The following ABLIM3 variants were observed in gnomAD, a reference collection of about 807,000 sequenced individuals.
ABLIM3 encodes the protein actin binding LIM protein family member 3.
Under a neutral mutation model 109.5 loss-of-function variants are expected in ABLIM3, and 61 were observed. The ratio of observed to expected loss-of-function variants is 0.56; its 90% CI spans 0.45 to 0.69. The LOEUF (loss-of-function observed/expected upper bound fraction) is 0.69, where lower values mean the gene tolerates loss of function less well. ABLIM3 is among the 30% of genes least tolerant of loss of function. The pLI is 0.00. For synonymous variants in ABLIM3, 300 were observed against 324.8 expected, an observed-to-expected ratio of 0.92 and a Z score of 0.82; for missense variants, 796 against 889.5, an observed-to-expected ratio of 0.89 and a Z score of 1.34.
chr5:149,259,789 GA>G lies in ABLIM3; in HGVS notation c.*1387del, dbSNP rs1443449201. On this transcript the variant is annotated 3_prime_UTR_variant, in exon 24 of 24. Coordinates refer to ENST00000309868, the MANE Select transcript of ABLIM3 (RefSeq NM_014945.5). Reference sequence around the variant, plus strand: ...CATTTTGAGATCATGGAGGAAGGATGAAGAAGTGAAAATGACAATAATGACT... The same window carrying G: ...CATTTTGAGATCATGGAGGAAGGATGAGAAGTGAAAATGACAATAATGACT... The G allele has an allele frequency of 2.1e-5, 13 of 605,062 alleles. No individual in the cohort carries two copies. The highest frequency in any genetic ancestry group is 2.0e-4 in the African/African-American group (11 of 54,056). The allele number at this position is 605,062 out of a possible 1,614,324, so 37.5% of individuals were successfully genotyped here. A position where few individuals can be genotyped will look rare whatever the true frequency, so the allele number is the denominator to read the frequency against.
intron 7 of ABLIM3, among the ~76,000 whole-genome samples, chr5:149,215,729 C>G (rs917408147): frequency 1.3e-5 from 2 of 152,138 alleles, no homozygotes; most frequent in African/African-American, 4.8e-5. Context: ...AATATTTCTT[C>G]AAACAAGGCC....
intron 8 of ABLIM3, among the ~76,000 whole-genome samples, chr5:149,221,546 G>A (rs1760653833): frequency 6.6e-6 from 1 of 152,146 alleles, no homozygotes; most frequent in African/African-American, 2.4e-5. Flanking sequence ...GAACTTCTGG[G>A]GCCCCAGGAG....
intron 8 of ABLIM3, among the ~76,000 whole-genome samples, chr5:149,224,845 C>T (rs189624273): frequency 6.6e-6 from 1 of 152,260 alleles, no homozygotes; most frequent in African/African-American, 2.4e-5. Flanking sequence ...ATAGGGAAAC[C>T]AAGGCACAGA....
At chr5:149,166,376 G>C (rs1754827521) in intron 2 of ABLIM3, among the ~76,000 whole-genome samples, 2 of 152,216 alleles carry the variant, frequency 1.3e-5, no homozygotes. Context: ...GCCTCTGCCA[G>C]CTTCCCACAT....
intron 8 of ABLIM3, among the ~76,000 whole-genome samples, chr5:149,225,511 A>C (rs1273546172): frequency 6.6e-6 from 1 of 152,210 alleles, no homozygotes; most frequent in East Asian, 1.9e-4. Flanking sequence ...ATGGCTGAAC[A>C]ATATTCCATT....
intron 7 of ABLIM3, among the ~76,000 whole-genome samples, chr5:149,211,569 T>A (rs1291709282): frequency 6.6e-6 from 1 of 152,158 alleles, no homozygotes; most frequent in African/African-American, 2.4e-5. Context: ...GTATCTTTGC[T>A]TTTCTAGGCC....
intron 10 of ABLIM3, among the ~76,000 whole-genome samples, chr5:149,235,481 G>A (rs1386906569): frequency 1.3e-5 from 2 of 152,152 alleles, no homozygotes; most frequent in South Asian, 2.1e-4. Flanking sequence ...AATTATGTTA[G>A]GATGCCTCTG....
In ABLIM3 at chr5:149,169,735, C is replaced by T. The variant is rs77526897; in HGVS notation, c.14-13717C>T. Among the ~76,000 whole-genome samples the T allele has an allele frequency of 2.7e-3, 417 of 152,294 alleles. 1 individual carries two copies. The highest frequency in any genetic ancestry group is 9.1e-3 in the African/African-American group (380 of 41,564). On this transcript the variant is annotated intron_variant, in intron 2 of 23. Coordinates refer to ENST00000309868, the MANE Select transcript of ABLIM3 (RefSeq NM_014945.5). ...CTCCTCTTCCTCTCCCACCATTCCC[C>T]CACTGGAGGGTGAGTCACATGAGAG...
chr5:149,234,869 A>T (rs1000654039), intron 10 of ABLIM3, among the ~76,000 whole-genome samples: 3 of 152,350 alleles, frequency 2.0e-5, no homozygotes, highest in African/African-American at 4.8e-5. Context: ...AATACTGTTC[A>T]TCACAAGCTG....
intron 2 of ABLIM3, among the ~76,000 whole-genome samples, chr5:149,161,608 G>A (rs564021340): frequency 2.0e-5 from 3 of 152,316 alleles, no homozygotes; most frequent in South Asian, 4.1e-4. Flanking sequence ...GGTTAGAAGA[G>A]GGGTATTCTG....
chr5:149,248,273 G>C (rs1299388612), intron 18 of ABLIM3, among the ~76,000 whole-genome samples: 1 of 152,156 alleles, frequency 6.6e-6, no homozygotes, highest in Non-Finnish European at 1.5e-5. Context: ...GCTTCATTGA[G>C]GTCTAGAATA....
chr5:149,211,039 C>T (rs931158057), intron 7 of ABLIM3, among the ~76,000 whole-genome samples: 2 of 152,148 alleles, frequency 1.3e-5, no homozygotes, highest in African/African-American at 4.8e-5. Flanking sequence ...TCAAAAAATG[C>T]TGTGCTGGGA....
Position 149,259,842 on chromosome 5 carries a change from C to A in ABLIM3, c.*1438C>A. ...TCAAGAGGCTGGCGATGTGACATGGCAAATGTAGAACTGACTTAAATTGAA... is the reference window on the plus strand; with the variant it reads ...TCAAGAGGCTGGCGATGTGACATGGAAAATGTAGAACTGACTTAAATTGAA... On this transcript the variant is annotated 3_prime_UTR_variant, in exon 24 of 24. Transcript: ENST00000309868. The A allele has an allele frequency of 2.0e-6, 1 of 512,024 alleles. No homozygotes were observed. The highest frequency in any genetic ancestry group is 3.5e-6 in the Non-Finnish European group (1 of 283,048). 31.7% of individuals were successfully genotyped at this position (512,024 alleles called of 1,614,324 possible). A position where few individuals can be genotyped will look rare whatever the true frequency, so the allele number is the denominator to read the frequency against.
intron 10 of ABLIM3, among the ~76,000 whole-genome samples, chr5:149,234,532 G>A (rs1431959129): frequency 1.3e-5 from 2 of 152,110 alleles, no homozygotes; most frequent in African/African-American, 4.8e-5. Flanking sequence ...ATGGGACTAT[G>A]GGCACCTTTC....
chr5:149,198,439 A>C lies in ABLIM3; in HGVS notation c.335+37A>C. 1 of 1,563,130 alleles carries C rather than the reference A, an allele frequency of 6.4e-7. No individual in the cohort carries two copies. The highest frequency in any genetic ancestry group is 8.7e-7 in the Non-Finnish European group (1 of 1,155,514). ...ACCAGCAGGGCCTGGGACCCTCTGC[A>C]TAAGCCCCCGGGGCAGGGGAAGACC... On this transcript the variant is annotated intron_variant, in intron 4 of 23. Coordinates refer to ENST00000309868, the MANE Select transcript of ABLIM3 (RefSeq NM_014945.5). The surrounding 1 kb of genome is among the most constrained non-coding windows in gnomAD (Gnocchi z 4.2).
chr5:149,192,568 G>C (rs764837672), intron 3 of ABLIM3, among the ~76,000 whole-genome samples: 1 of 149,462 alleles, frequency 6.7e-6, no homozygotes, highest in Non-Finnish European at 1.5e-5. Flanking sequence ...AGAGCTTGCA[G>C]TGAGCCAAGA....
chr5:149,145,175 T>C (rs1187315708), intron 2 of ABLIM3, among the ~76,000 whole-genome samples: 1 of 152,156 alleles, frequency 6.6e-6, no homozygotes, highest in Non-Finnish European at 1.5e-5. Flanking sequence ...CCAGTGTCTA[T>C]TTTTGCCATC....
In ABLIM3 at chr5:149,237,517, G is replaced by A. The variant is rs756449768; in HGVS notation, c.958G>A (p.Glu320Lys). 10 of 1,613,978 alleles carry A rather than the reference G, an allele frequency of 6.2e-6. No individual in the cohort carries two copies. The highest frequency in any genetic ancestry group is 2.7e-5 in the African/African-American group (2 of 74,898). The change falls in exon 11 of 24, where the codon GAG (glutamate) becomes AAG (lysine). Residue 320 changes from glutamate to lysine, a missense_variant. Glu to Lys is a moderately conservative substitution (Grantham distance 56). Coordinates refer to ENST00000309868, the MANE Select transcript of ABLIM3 (RefSeq NM_014945.5). ...TCTCCCCAAGGTTAAGTCTATCTAC[G>A]AGGTACAACGCCCCGACCTCATTTC... Reference protein sequence around the residue: ...AALPKVKSIYEVQRPDLISYE... With the variant: ...AALPKVKSIYKVQRPDLISYE...
At chr5:149,157,687 T>C (rs185313454) in intron 2 of ABLIM3, among the ~76,000 whole-genome samples, 7 of 151,842 alleles carry the variant, frequency 4.6e-5, no homozygotes, top group South Asian at 4.2e-4. Context: ...GTTTATTCCA[T>C]TGAGATTGCT....
Sources: allele counts gnomAD v4.1 joint callset (sites outside exome capture counted in the v4.1 genomes callset), GRCh38; gene constraint gnomAD v4.1.1; non-coding constraint Gnocchi (gnomAD v3.1); transcripts MANE v1.5; gene names NCBI Gene and HGNC (gene_info 2026-07-23, HGNC 2026-07-21).